Variants in VSIG10L2 observed in about 807,000 individuals in gnomAD.
VSIG10L2 encodes V-set and immunoglobulin domain-containing protein 10-like 2.
A neutral mutation model predicts 67.1 loss-of-function variants in VSIG10L2; 56 were observed. The ratio of observed to expected loss-of-function variants is 0.83; its 90% CI spans 0.67 to 1.04. The LOEUF (loss-of-function observed/expected upper bound fraction) is 1.04. Among genes scored for constraint, VSIG10L2 ranks in the 50% least tolerant of loss-of-function variants. The pLI is 0.00. For synonymous variants in VSIG10L2, 360 were observed against 396.6 expected (o/e 0.91, Z 1.10); for missense variants, 843 against 932.8 (o/e 0.90, Z 1.25).
In VSIG10L2 at chr11:125,950,896, AC is replaced by A; in HGVS notation, c.986-13del. On this transcript the variant is annotated splice_polypyrimidine_tract_variant and intron_variant, in intron 4 of 11. Coordinates refer to ENST00000686984, the MANE Select transcript of VSIG10L2 (RefSeq NM_001365077.2). ...AGTGGAGCCTGCTCCAGCCTCACCCACTTCCCCATCCAGATCCCCCTGAGGG... is the reference window on the plus strand; with the variant it reads ...AGTGGAGCCTGCTCCAGCCTCACCCATTCCCCATCCAGATCCCCCTGAGGG... The A allele has an allele frequency of 8.1e-7, 1 of 1,232,278 alleles. No homozygotes were observed. Among genetic ancestry groups the A allele is most frequent in the Non-Finnish European group, 1.0e-6 (1 of 988,318 alleles). The allele number at this position is 1,232,278 out of a possible 1,614,324, so 76.3% of individuals were successfully genotyped here. A position where few individuals can be genotyped will look rare whatever the true frequency, so the allele number is the denominator to read the frequency against.
At position 125,948,433 on chromosome 11, in the gene VSIG10L2, C is replaced by A. The variant is rs916605839; in HGVS notation, c.562C>A (p.Arg188=). Residue 188 remains arginine (R), a synonymous_variant, in exon 3 of 12, where the codon CGA becomes AGA. Transcript: ENST00000686984. ...CTTTGCCTGGCAGCATCGGGCACCC[C>A]GAGGCCTTGGAGAGGCCCTGGTGGG... ...VTFAWQHRAP[R]GLGEALVGVT... 2 of 1,232,332 alleles carry A rather than the reference C, an allele frequency of 1.6e-6. No individual in the cohort carries two copies. Among genetic ancestry groups the A allele is most frequent in the Admixed American group, 4.2e-5 (1 of 23,712 alleles). The allele number at this position is 1,232,332 out of a possible 1,614,324, so 76.3% of individuals were successfully genotyped here.
At position 125,946,391 on chromosome 11, in the gene VSIG10L2, A is replaced by G. The variant is rs1945303571; in HGVS notation, c.82+254A>G. On this transcript the variant is annotated intron_variant, in intron 1 of 11. Coordinates refer to ENST00000686984, the MANE Select transcript of VSIG10L2 (RefSeq NM_001365077.2). The surrounding 1 kb of genome is among the most constrained non-coding windows in gnomAD (Gnocchi z 4.4). ...TGGTAAGCCTAGGAGTGGTATGGTC[A>G]GATCCAGGTTTCAGAAAGCTCCCTG... Among the ~76,000 whole-genome samples the G allele has an allele frequency of 3.3e-5, 5 of 152,318 alleles. No individual in the cohort carries two copies. Among genetic ancestry groups the G allele is most frequent in the Middle Eastern group, 3.4e-3 (1 of 294 alleles).
intron 4 of VSIG10L2, 142 bp from the exon 5 acceptor site, chr11:125,950,768 G>A: frequency 1.3e-6 from 1 of 759,246 alleles, no homozygotes; most frequent in Non-Finnish European, 1.8e-6. Context: ...CCCTCAGAGA[G>A]ACTCAATCTT....
At position 125,954,173 on chromosome 11, in the gene VSIG10L2, G is replaced by A. The variant is rs1421746827; in HGVS notation, c.1873G>A (p.Gly625Arg). ...REVQLQWAIL[G>R]PGNLTGFLVQ... is the part of the protein sequence containing the mutation. ...GGTGCAGCTTCAATGGGCCATCTTA[G>A]GACCCGGGAACCTGACGGGCTTCCT... The change falls in exon 8 of 12, where the codon GGA becomes AGA. Residue 625 changes from glycine (G) to arginine (R), a missense_variant. Transcript: ENST00000686984. The A allele has an allele frequency of 8.1e-7, 1 of 1,232,138 alleles. No individual in the cohort carries two copies. The highest frequency in any genetic ancestry group is 1.0e-6 in the Non-Finnish European group (1 of 988,060). The allele number at this position is 1,232,138 out of a possible 1,614,324, so 76.3% of individuals were successfully genotyped here.
intron 5 of VSIG10L2, 117 bp from the exon 6 acceptor site, chr11:125,951,696 T>C: frequency 1.9e-6 from 2 of 1,065,592 alleles, no homozygotes; most frequent in South Asian, 1.7e-5. Flanking sequence ...AATGAGTGAG[T>C]GACAAAGTAA....
rs1398934643 is a variant in VSIG10L2 at position 125,950,224 on chromosome 11, C to G, written c.920C>G (p.Thr307Ser). ...RAGRVHTGLY[T>S]CLARNSYLDT... ...GGCCGTGTCCACACAGGCCTGTACA[C>G]CTGCCTGGCCCGCAACAGCTACCTG... Residue 307 changes from threonine to serine, a missense_variant, in exon 4 of 12, where the codon ACC becomes AGC. Coordinates refer to ENST00000686984, the MANE Select transcript of VSIG10L2 (RefSeq NM_001365077.2). 1 of 1,232,408 alleles carries G rather than the reference C, an allele frequency of 8.1e-7. No individual in the cohort carries two copies. The highest frequency in any genetic ancestry group is 1.0e-6 in the Non-Finnish European group (1 of 988,246). 76.3% of individuals were successfully genotyped at this position (1,232,408 alleles called of 1,614,324 possible).
At chr11:125,953,021 G>A (rs1054995902) in intron 6 of VSIG10L2, among the ~76,000 whole-genome samples, 2 of 152,204 alleles carry the variant, frequency 1.3e-5, no homozygotes, top group Non-Finnish European at 2.9e-5. Flanking sequence ...CACCTGCTAT[G>A]GTCCCAGCAC....
chr11:125,954,207 G>C lies in VSIG10L2; in HGVS notation c.1907G>C (p.Arg636Pro). 8.1e-7 allele frequency: 1 copy of C among 1,232,216 alleles called. No homozygotes were observed. Among genetic ancestry groups the C allele is most frequent in the Non-Finnish European group, 1.0e-6 (1 of 988,018 alleles). The allele number at this position is 1,232,216 out of a possible 1,614,324, so 76.3% of individuals were successfully genotyped here. Residue 636 changes from arginine (R) to proline (P), a missense_variant, in exon 8 of 12, where the codon CGG becomes CCG. Coordinates refer to ENST00000686984, the MANE Select transcript of VSIG10L2 (RefSeq NM_001365077.2). The stretch of plus-strand genomic sequence containing the variant: ...AACCTGACGGGCTTCCTGGTGCAGC[G>C]GAAGGCCAGTGCCCTGGGCCCAGGA... ...PGNLTGFLVQ[R>P]KASALGPGAG...
At position 125,952,061 on chromosome 11, in the gene VSIG10L2, C is replaced by T. The variant is rs1049120753; in HGVS notation, c.1483C>T (p.His495Tyr). Residue 495 changes from histidine to tyrosine, a missense_variant, in exon 6 of 12, where the codon CAC becomes TAC. Physicochemically the swap from His to Tyr is moderately conservative, Grantham distance 83. Transcript: ENST00000686984. ...HLLRTPDPHC[H>Y]LQLEAPQLDV... ...GCTCAGGACCCCTGACCCCCACTGC[C>T]ACCTCCAGCTGGGTGAGTAGGGGCT... 1.8e-5 allele frequency: 27 copies of T among 1,533,234 alleles called. No homozygotes were observed. The highest frequency in any genetic ancestry group is 1.7e-4 in the Middle Eastern group (1 of 5,994). 95.0% of individuals were successfully genotyped at this position (1,533,234 alleles called of 1,614,324 possible).
intron 6 of VSIG10L2, among the ~76,000 whole-genome samples, chr11:125,952,538 T>C (rs1945391884): frequency 6.6e-6 from 1 of 152,258 alleles, no homozygotes; most frequent in Admixed American, 6.5e-5. Context: ...CATATTGACG[T>C]GGCTGGTCAC....
At chr11:125,947,477 C>A in intron 1 of VSIG10L2, 1 of 985,424 alleles carries the variant, frequency 1.0e-6, no homozygotes, top group Non-Finnish European at 1.2e-6. Context: ...GTCAACCCCT[C>A]CTTCAGTGCA....
rs75495241 is a variant in VSIG10L2, at chr11:125,952,134, C to A, written c.1495+61C>A. ...GACAGGAGGAGGAACCCTTTGGAATCAGGATAAAGAGATCTTAGGGGGTGG... is the reference window on the plus strand; with the variant it reads ...GACAGGAGGAGGAACCCTTTGGAATAAGGATAAAGAGATCTTAGGGGGTGG... On this transcript the variant is annotated intron_variant, in intron 6 of 11. Transcript: ENST00000686984. The A allele has an allele frequency of 6.8e-3, 10,025 of 1,479,738 alleles. 491 individuals are homozygous for A. In the African/African-American group the frequency reaches 0.11, roughly 17 times the overall value. The allele number at this position is 1,479,738 out of a possible 1,614,324, so 91.7% of individuals were successfully genotyped here.
intron 3 of VSIG10L2, among the ~76,000 whole-genome samples, chr11:125,949,207 T>G (rs1228935479): frequency 1.3e-5 from 2 of 151,660 alleles, no homozygotes; most frequent in African/African-American, 4.8e-5. Flanking sequence ...TATATTTGGT[T>G]AAATAAATAT....
chr11:125,953,660 A>G lies in VSIG10L2; in HGVS notation c.1756A>G (p.Ser586Gly). The change falls in exon 7 of 12, where the codon AGC (serine) becomes GGC (glycine). Residue 586 changes from serine to glycine, a missense_variant. Transcript: ENST00000686984. ...QCVARNAVGN[S>G]SQSVLLEVLR... ...CGTGGCCCGCAACGCCGTGGGCAATAGCAGTCAGAGTGTGCTGCTGGAGGT... is the reference window on the plus strand; with the variant it reads ...CGTGGCCCGCAACGCCGTGGGCAATGGCAGTCAGAGTGTGCTGCTGGAGGT... 8.1e-7 allele frequency: 1 copy of G among 1,232,270 alleles called. No individual in the cohort carries two copies. Among genetic ancestry groups the G allele is most frequent in the South Asian group, 4.1e-5 (1 of 24,320 alleles). The allele number at this position is 1,232,270 out of a possible 1,614,324, so 76.3% of individuals were successfully genotyped here.
Position 125,956,159 on chromosome 11 carries a change from A to G in VSIG10L2, c.*245A>G, listed in dbSNP as rs776272843. 39 of 634,610 alleles carry G rather than the reference A, an allele frequency of 6.1e-5. No homozygotes were observed. Among genetic ancestry groups the G allele is most frequent in the Non-Finnish European group, 9.0e-5 (31 of 342,996 alleles). 39.3% of individuals were successfully genotyped at this position (634,610 alleles called of 1,614,324 possible). ...GGCAGGACAAGGAAGAGGACCCACA[A>G]TGGGGAGACAGGGATCTCTGGGTGT... On this transcript the variant is annotated 3_prime_UTR_variant, in exon 12 of 12. Coordinates refer to ENST00000686984, the MANE Select transcript of VSIG10L2 (RefSeq NM_001365077.2).
intron 3 of VSIG10L2, among the ~76,000 whole-genome samples, chr11:125,949,171 A>G (rs1323467190): frequency 6.6e-6 from 1 of 152,260 alleles, no homozygotes; most frequent in African/African-American, 2.4e-5. Context: ...TTCTATATTG[A>G]TTATATATTG....
At chr11:125,949,162 TC>T (rs1945331805) in intron 3 of VSIG10L2, among the ~76,000 whole-genome samples, 1 of 152,268 alleles carries the variant, frequency 6.6e-6, no homozygotes, top group Non-Finnish European at 1.5e-5. Context: ...ATCCGTAACT[TC>T]TATATTGATT....
chr11:125,948,100 T>C, intron 2 of VSIG10L2, 64 bp downstream of exon 2: 2 of 1,232,150 alleles, frequency 1.6e-6, no homozygotes, highest in Non-Finnish European at 2.0e-6. Flanking sequence ...GGAAGTGTGC[T>C]GCCCATTCCC....
rs956057319 is a variant in VSIG10L2, at chr11:125,955,575, G to A, written c.2232-40G>A. ...CCAGTTGGAAAGGAAAGCGAGGGAA[G>A]TGAGTTGCCACTAACTTTACTCTCC... On this transcript the variant is annotated intron_variant, in intron 10 of 11. Transcript: ENST00000686984. The A allele has an allele frequency of 4.7e-6, 7 of 1,498,712 alleles. No homozygotes were observed. The African/African-American group carries it at 8.3e-5, about 18-fold the overall frequency. The allele number at this position is 1,498,712 out of a possible 1,614,324, so 92.8% of individuals were successfully genotyped here.
Sources: gnomAD v4.1 joint callset for allele counts (sites outside exome capture counted in the v4.1 genomes callset) on GRCh38, gnomAD v4.1.1 for gene constraint, Gnocchi (gnomAD v3.1) non-coding constraint, MANE v1.5 for transcripts, NCBI Gene and HGNC (gene_info 2026-07-23, HGNC 2026-07-21) for gene names.